SKIC2: variants seen among roughly 807,000 people sequenced by gnomAD.
SKIC2 encodes superkiller complex protein 2.
the SKIC2 span, chr6:31,966,893 A>G: frequency 3.7e-6 from 6 of 1,613,664 alleles, no homozygotes; most frequent in Non-Finnish European, 5.1e-6. The surrounding 1 kb of genome is among the most constrained non-coding windows in gnomAD (Gnocchi z 5.9). Flanking sequence ...GGTTGGCCAA[A>G]GACAGGCTGG....
the SKIC2 span, chr6:31,965,899 G>A: frequency 2.2e-5 from 36 of 1,612,958 alleles, no homozygotes; most frequent in Admixed American, 3.3e-5. This position sits in a 1 kb window ranked among gnomAD's most constrained non-coding sequence, Gnocchi z 5.6. Flanking sequence ...TCCCTGGGGA[G>A]TATGTGCAGA....
the SKIC2 span, chr6:31,961,354 C>T: frequency 7.1e-5 from 111 of 1,568,604 alleles, no homozygotes; most frequent in Non-Finnish European, 9.0e-5. Flanking sequence ...TCCCCTGGCC[C>T]GAGCAAGCAG....
chr6:31,961,886 C>G, the SKIC2 span: 83 of 1,611,694 alleles, frequency 5.1e-5, no homozygotes, highest in African/African-American at 8.9e-4. Context: ...TCTTCAGCTC[C>G]TGTCTATTTC....
chr6:31,966,082 C>A, the SKIC2 span: 1 of 1,026,642 alleles, frequency 9.7e-7, no homozygotes, highest in Non-Finnish European at 1.4e-6. This position sits in a 1 kb window ranked among gnomAD's most constrained non-coding sequence, Gnocchi z 5.9. Flanking sequence ...TTCGATTCTC[C>A]TCTCTTCTTT....
chr6:31,968,789 G>A, the SKIC2 span: 28 of 1,608,486 alleles, frequency 1.7e-5, no homozygotes, highest in Middle Eastern at 1.7e-4. The surrounding 1 kb of genome is among the most constrained non-coding windows in gnomAD (Gnocchi z 6.1). Context: ...TACCATCAGC[G>A]AGTAGAGGTG....
the SKIC2 span, chr6:31,959,354 C>CG: frequency 6.2e-7 from 1 of 1,613,856 alleles, no homozygotes; most frequent in Non-Finnish European, 8.5e-7. Flanking sequence ...CTCGGATGCA[C>CG]GGGGCACTGG....
At chr6:31,960,872 T>G in the SKIC2 span, 1 of 903,912 alleles carries the variant, frequency 1.1e-6, no homozygotes, top group Non-Finnish European at 1.7e-6. Flanking sequence ...TACTGTCATC[T>G]GCTGGGAAAT....
the SKIC2 span, chr6:31,963,687 A>C: frequency 1.3e-6 from 2 of 1,557,060 alleles, no homozygotes; most frequent in Non-Finnish European, 1.7e-6. The surrounding 1 kb of genome is among the most constrained non-coding windows in gnomAD (Gnocchi z 5.3). Context: ...AAACACGCCC[A>C]GACCTTTGGG....
the SKIC2 span, chr6:31,963,709 C>CA: frequency 6.5e-7 from 1 of 1,549,338 alleles, no homozygotes; most frequent in Non-Finnish European, 8.7e-7. The surrounding 1 kb of genome is among the most constrained non-coding windows in gnomAD (Gnocchi z 5.3). Flanking sequence ...CCAAGCAGCC[C>CA]ACACATCAGG....
the SKIC2 span, chr6:31,967,513 C>T: frequency 2.5e-6 from 2 of 787,744 alleles, 1 homozygote; most frequent in South Asian, 3.3e-5. This position sits in a 1 kb window ranked among gnomAD's most constrained non-coding sequence, Gnocchi z 4.9. Flanking sequence ...TCACCCTCTC[C>T]CTTCCCATCA....
the SKIC2 span, chr6:31,963,067 C>T: frequency 6.2e-7 from 1 of 1,612,640 alleles, no homozygotes; most frequent in Non-Finnish European, 8.5e-7. The surrounding 1 kb of genome is among the most constrained non-coding windows in gnomAD (Gnocchi z 5.3). Context: ...GTCCCCAACG[C>T]CCTTGAGTTT....
the SKIC2 span, chr6:31,966,564 A>T: frequency 2.7e-6 from 2 of 748,436 alleles, no homozygotes; most frequent in African/African-American, 3.5e-5. This position sits in a 1 kb window ranked among gnomAD's most constrained non-coding sequence, Gnocchi z 5.9. Context: ...CTTATGTTAC[A>T]GAAGAGGTGA....
chr6:31,962,557 T>A, the SKIC2 span: 9 of 1,613,710 alleles, frequency 5.6e-6, no homozygotes, highest in African/African-American at 1.1e-4. The surrounding 1 kb of genome is among the most constrained non-coding windows in gnomAD (Gnocchi z 5.0). Flanking sequence ...GGAGGCCTCC[T>A]GCCTCATCAT....
At chr6:31,961,548 A>T in the SKIC2 span, 298 of 1,596,488 alleles carry the variant, frequency 1.9e-4, no homozygotes, top group Middle Eastern at 6.7e-4. Flanking sequence ...CTCTTCCAGG[A>T]AGCGTCCACA....
the SKIC2 span, chr6:31,966,136 C>G: frequency 2.9e-6 from 2 of 698,638 alleles, no homozygotes; most frequent in Non-Finnish European, 4.6e-6. The surrounding 1 kb of genome is among the most constrained non-coding windows in gnomAD (Gnocchi z 5.9). Context: ...TGCTCTGTTA[C>G]CTAGGCTGGA....
chr6:31,967,476 C>T, the SKIC2 span: 1 of 920,070 alleles, frequency 1.1e-6, no homozygotes, highest in Admixed American at 2.0e-5. The surrounding 1 kb of genome is among the most constrained non-coding windows in gnomAD (Gnocchi z 4.9). Flanking sequence ...ATCATAGGGC[C>T]CTCATTTTCC....
At chr6:31,959,725 T>C in the SKIC2 span, 1 of 554,338 alleles carries the variant, frequency 1.8e-6, no homozygotes, top group Non-Finnish European at 3.2e-6. Flanking sequence ...TCCTTAGGTC[T>C]GGGACCCCTT....
At chr6:31,966,644 A>G in the SKIC2 span, 4 of 1,576,046 alleles carry the variant, frequency 2.5e-6, no homozygotes, top group Non-Finnish European at 3.5e-6. The surrounding 1 kb of genome is among the most constrained non-coding windows in gnomAD (Gnocchi z 5.9). Context: ...GGCCCAGTCC[A>G]GAAGACTGGC....
the SKIC2 span, chr6:31,967,202 T>A: frequency 2.1e-4 from 335 of 1,608,104 alleles, 1 homozygote; most frequent in Non-Finnish European, 2.7e-4. This position sits in a 1 kb window ranked among gnomAD's most constrained non-coding sequence, Gnocchi z 4.9. Context: ...CGTGTTACTC[T>A]AGGTGCTACT....
Sources: allele counts gnomAD v4.1 joint callset, GRCh38; gene constraint gnomAD v4.1.1; non-coding constraint Gnocchi (gnomAD v3.1); transcripts MANE v1.5; gene names NCBI Gene and HGNC (gene_info 2026-07-23, HGNC 2026-07-21).